NRXN1: variants seen among roughly 807,000 people sequenced by gnomAD.
The protein encoded by NRXN1 is neurexin 1.
Under a neutral mutation model 150.9 loss-of-function variants are expected in NRXN1, and 39 were observed. The ratio of observed to expected loss-of-function variants is 0.26; its 90% CI spans 0.20 to 0.34. NRXN1 has a LOEUF of 0.34. Among genes scored for constraint, NRXN1 ranks in the 10% least tolerant of loss-of-function variants. The pLI, the probability that NRXN1 is intolerant of heterozygous loss-of-function variation, is 1.00. For missense variants in NRXN1, 1,815 were observed against 1,949.9 expected (o/e 0.93, Z 1.30); for synonymous variants, 924 against 757.0 (o/e 1.22, Z -3.62).
chr2:50,678,270 G>T (rs905371391), intron 5 of NRXN1, among the ~76,000 whole-genome samples: 1 of 152,048 alleles, frequency 6.6e-6, no homozygotes, highest in Admixed American at 6.6e-5. Context: ...AATATAACAC[G>T]AATACACAAG....
At chr2:50,490,961 A>T in intron 15 of NRXN1, among the ~76,000 whole-genome samples, 1 of 152,152 alleles carries the variant, frequency 6.6e-6, no homozygotes, top group South Asian at 2.1e-4. Context: ...TAAAAAAAAA[A>T]GTAACCTCAA....
chr2:50,385,561 G>C (rs1413142070), intron 17 of NRXN1, among the ~76,000 whole-genome samples: 1 of 152,140 alleles, frequency 6.6e-6, no homozygotes, highest in East Asian at 1.9e-4. Context: ...GGTAAACCAG[G>C]AGTGGCAGCG....
chr2:50,865,330 T>C (rs1242938977), intron 5 of NRXN1, among the ~76,000 whole-genome samples: 1 of 151,924 alleles, frequency 6.6e-6, no homozygotes, highest in Non-Finnish European at 1.5e-5. Context: ...AAAAGTAGTC[T>C]TATCCAGAGA....
chr2:50,805,220 A>C (rs777924887), intron 5 of NRXN1, among the ~76,000 whole-genome samples: 44 of 152,194 alleles, frequency 2.9e-4, no homozygotes, highest in Non-Finnish European at 1.3e-4. Flanking sequence ...ACCATGAAAA[A>C]GTAAAAAAAA....
chr2:50,979,160 T>C (rs1696376337), intron 2 of NRXN1: 1 of 463,884 alleles, frequency 2.2e-6, no homozygotes, highest in South Asian at 1.6e-5. Flanking sequence ...CTAAAACACA[T>C]AACTTACATG....
intron 17 of NRXN1, among the ~76,000 whole-genome samples, chr2:50,241,754 C>T (rs1443124403): frequency 6.6e-6 from 1 of 151,754 alleles, no homozygotes; most frequent in African/African-American, 2.4e-5. Context: ...TCTTATTGAA[C>T]ATGCTATTTA....
intron 17 of NRXN1, among the ~76,000 whole-genome samples, chr2:50,249,412 G>T (rs942739459): frequency 6.6e-6 from 1 of 151,954 alleles, no homozygotes; most frequent in Non-Finnish European, 1.5e-5. Flanking sequence ...AAAAAACAAT[G>T]CGGAGACAAC....
At chr2:50,465,257 G>GT in intron 17 of NRXN1, 185 bp downstream of exon 17, 1 of 434,418 alleles carries the variant, frequency 2.3e-6, no homozygotes, top group Non-Finnish European at 3.9e-6. Flanking sequence ...CATCATCACA[G>GT]GATTTAGCCA....
chr2:50,907,140 A>T (rs976181621), intron 5 of NRXN1, among the ~76,000 whole-genome samples: 6 of 151,582 alleles, frequency 4.0e-5, no homozygotes, highest in Non-Finnish European at 8.8e-5. Context: ...TATACTCTGG[A>T]GGGAAAAATG....
At chr2:50,389,924 C>T (rs2081576326) in intron 17 of NRXN1, among the ~76,000 whole-genome samples, 1 of 152,134 alleles carries the variant, frequency 6.6e-6, no homozygotes. Flanking sequence ...TATCTAATTT[C>T]TTTTCGTGAA....
At chr2:50,323,145 G>A (rs2076159166) in intron 17 of NRXN1, among the ~76,000 whole-genome samples, 1 of 152,086 alleles carries the variant, frequency 6.6e-6, no homozygotes, top group Admixed American at 6.6e-5. Context: ...TACCCTATAT[G>A]GTTGTTCAGA....
rs573663438 is a variant in NRXN1, at chr2:50,180,672, A to G, written c.3546+56117T>C. On this transcript the variant is annotated intron_variant, in intron 18 of 22. Coordinates refer to ENST00000401669, the MANE Select transcript of NRXN1 (RefSeq NM_001330078.2). ...GAGGCCCCATCCTAAAGCAGAGACCAAACCCTTACCATCAGACACCAGATG... is the reference window on the plus strand; with the variant it reads ...GAGGCCCCATCCTAAAGCAGAGACCGAACCCTTACCATCAGACACCAGATG... 9.4e-4 allele frequency among the ~76,000 whole-genome samples: 143 copies of G among 152,254 alleles called. 1 individual carries two copies. The highest frequency in any genetic ancestry group is 3.3e-3 in the African/African-American group (139 of 41,564).
chr2:50,456,146 T>G (rs1348780320), intron 17 of NRXN1, among the ~76,000 whole-genome samples: 1 of 152,166 alleles, frequency 6.6e-6, no homozygotes, highest in Non-Finnish European at 1.5e-5. Flanking sequence ...ACTGTCTCCT[T>G]CAAATACAGC....
intron 5 of NRXN1, among the ~76,000 whole-genome samples, chr2:50,800,836 C>A (rs908434254): frequency 6.6e-6 from 1 of 152,200 alleles, no homozygotes; most frequent in South Asian, 2.1e-4. Flanking sequence ...AGGCGTGAGC[C>A]AGCATGCCTG....
chr2:50,315,896 G>A (rs2075565860), intron 17 of NRXN1, among the ~76,000 whole-genome samples: 2 of 152,030 alleles, frequency 1.3e-5, no homozygotes, highest in African/African-American at 4.8e-5. Flanking sequence ...AGAGACAAAT[G>A]GTAAGACAGA....
intron 19 of NRXN1, among the ~76,000 whole-genome samples, chr2:50,072,124 C>A (rs923163095): frequency 2.0e-5 from 3 of 152,110 alleles, no homozygotes; most frequent in African/African-American, 7.2e-5. Flanking sequence ...ACCTCTCATA[C>A]CATTAAATGA....
At chr2:50,983,497 A>G (rs1430969991) in intron 2 of NRXN1, among the ~76,000 whole-genome samples, 1 of 152,088 alleles carries the variant, frequency 6.6e-6, no homozygotes, top group African/African-American at 2.4e-5. Context: ...TCTTACTATA[A>G]AAGAACATGG....
intron 5 of NRXN1, among the ~76,000 whole-genome samples, chr2:50,702,151 T>C (rs1194873044): frequency 2.0e-5 from 3 of 152,160 alleles, no homozygotes; most frequent in Admixed American, 6.5e-5. Flanking sequence ...TATTAGATAT[T>C]CTTAGAAATT....
chr2:50,500,908 C>A (rs1372154786), intron 13 of NRXN1, among the ~76,000 whole-genome samples: 2 of 152,144 alleles, frequency 1.3e-5, no homozygotes, highest in Non-Finnish European at 1.5e-5. Flanking sequence ...GTGTCCGGTG[C>A]TAGCCTTGGT....
Sources: gnomAD v4.1 joint callset for allele counts (sites outside exome capture counted in the v4.1 genomes callset) on GRCh38, gnomAD v4.1.1 for gene constraint, MANE v1.5 for transcripts, NCBI Gene and HGNC (gene_info 2026-07-23, HGNC 2026-07-21) for gene names.